Variants in NUP93 observed in about 807,000 individuals in gnomAD.
NUP93 encodes the protein nuclear pore complex protein Nup93.
Under a neutral mutation model 107.8 loss-of-function variants are expected in NUP93, and 55 were observed. The ratio of observed to expected loss-of-function variants is 0.51; its 90% CI spans 0.41 to 0.64. The LOEUF (loss-of-function observed/expected upper bound fraction) is 0.64, where lower values mean the gene tolerates loss of function less well. Among genes scored for constraint, NUP93 ranks in the 30% least tolerant of loss-of-function variants. The probability of loss-of-function intolerance (pLI) is 0.00; values close to 1 mark genes in which losing one functional copy is unlikely to be tolerated. For missense variants in NUP93, 937 were observed against 1,044.7 expected, an observed-to-expected ratio of 0.90 and a Z score of 1.42; for synonymous variants, 390 against 397.5, an observed-to-expected ratio of 0.98 and a Z score of 0.22.
intron 1 of NUP93, among the ~76,000 whole-genome samples, chr16:56,739,715 C>CG (rs1961682343): frequency 7.6e-6 from 1 of 131,536 alleles, no homozygotes; most frequent in Non-Finnish European, 1.6e-5. Flanking sequence ...GCTGGCCGGG[C>CG]GGGGGGCCGA....
At chr16:56,735,454 C>G (rs1167597566) in intron 1 of NUP93, among the ~76,000 whole-genome samples, 2 of 152,130 alleles carry the variant, frequency 1.3e-5, no homozygotes, top group African/African-American at 4.8e-5. Context: ...AAGGTTTATT[C>G]TGGGAGGTAG....
chr16:56,823,472 A>G (rs1453889247), intron 7 of NUP93, among the ~76,000 whole-genome samples: 2 of 152,152 alleles, frequency 1.3e-5, no homozygotes, highest in Admixed American at 1.3e-4. Context: ...ATAGTAATTG[A>G]TCTGAAAACC....
intron 3 of NUP93, among the ~76,000 whole-genome samples, chr16:56,793,825 C>T (rs1226717173): frequency 6.6e-6 from 1 of 152,048 alleles, no homozygotes; most frequent in African/African-American, 2.4e-5. Context: ...GAGGCTGAGG[C>T]GGGCAGATCA....
At chr16:56,780,698 C>T (rs1258616900) in intron 3 of NUP93, among the ~76,000 whole-genome samples, 1 of 152,000 alleles carries the variant, frequency 6.6e-6, no homozygotes, top group East Asian at 1.9e-4. Context: ...TGCTAAATAG[C>T]CAAGTTAATA....
chr16:56,839,095 G>C, intron 19 of NUP93, 26 bp downstream of exon 19: 1 of 1,534,404 alleles, frequency 6.5e-7, no homozygotes. Context: ...GGTGTTTGAA[G>C]TGCAGGTTAA....
At chr16:56,789,405 G>T (rs1451909922) in intron 3 of NUP93, among the ~76,000 whole-genome samples, 2 of 152,224 alleles carry the variant, frequency 1.3e-5, no homozygotes, top group Admixed American at 6.5e-5. Flanking sequence ...TCACATAATT[G>T]TGTGAACCTT....
intron 3 of NUP93, among the ~76,000 whole-genome samples, chr16:56,777,968 T>C (rs1485102292): frequency 6.6e-6 from 1 of 152,208 alleles, no homozygotes; most frequent in Non-Finnish European, 1.5e-5. Flanking sequence ...TCAGTGCCCG[T>C]TAAGGACAGC....
chr16:56,740,280 C>A (rs1429615172), intron 1 of NUP93, among the ~76,000 whole-genome samples: 3 of 146,098 alleles, frequency 2.1e-5, no homozygotes, highest in Non-Finnish European at 4.5e-5. Context: ...GGGGTGGTTG[C>A]CGGGCAGAGG....
rs1374778377 is a variant in NUP93 at position 56,832,352 on chromosome 16, C to G, written c.1309C>G (p.Leu437Val). ...CAGCTCCCCACAAGACAGGCTCACT[C>G]TCTCACAGTTCCAGAAGCAGTTGTT... ...GTSSPQDRLT[L>V]SQFQKQLLED... is the part of the protein sequence containing the mutation. The change falls in exon 12 of 22, where the codon CTC becomes GTC. Residue 437 changes from leucine to valine, a missense_variant. Leu to Val is a conservative substitution (Grantham distance 32). Coordinates refer to ENST00000308159, the MANE Select transcript of NUP93 (RefSeq NM_014669.5). 4.3e-6 allele frequency: 7 copies of G among 1,613,990 alleles called. No homozygotes were observed. The highest frequency in any genetic ancestry group is 1.1e-5 in the South Asian group (1 of 91,070).
chr16:56,835,573 G>A (rs1276793063), intron 16 of NUP93, among the ~76,000 whole-genome samples: 1 of 152,184 alleles, frequency 6.6e-6, no homozygotes, highest in African/African-American at 2.4e-5. Context: ...GGCTCCTACT[G>A]TATGTGAGTT....
chr16:56,752,369 T>C (rs890273083), intron 2 of NUP93, among the ~76,000 whole-genome samples: 2 of 152,162 alleles, frequency 1.3e-5, no homozygotes, highest in Admixed American at 6.6e-5. Context: ...AGTGGAATAA[T>C]GTAGTATGTC....
intron 17 of NUP93, among the ~76,000 whole-genome samples, chr16:56,836,932 G>C (rs1371019900): frequency 6.6e-6 from 1 of 152,216 alleles, no homozygotes; most frequent in Non-Finnish European, 1.5e-5. Context: ...ACAACATATT[G>C]AAAGGATGTC....
intron 4 of NUP93, among the ~76,000 whole-genome samples, chr16:56,804,426 G>GT (rs1963088652): frequency 6.6e-6 from 1 of 152,162 alleles, no homozygotes; most frequent in African/African-American, 2.4e-5. Context: ...AGGACATTAT[G>GT]CTGATTGTCT....
intron 1 of NUP93, chr16:56,747,928 G>T: frequency 5.4e-6 from 1 of 185,012 alleles, no homozygotes; most frequent in Non-Finnish European, 1.1e-5. Context: ...CCTGCTTTGA[G>T]TCTGTGGAAG....
intron 3 of NUP93, among the ~76,000 whole-genome samples, chr16:56,789,416 T>G (rs1962703274): frequency 1.3e-5 from 2 of 152,252 alleles, no homozygotes; most frequent in Non-Finnish European, 2.9e-5. Flanking sequence ...TGTGAACCTT[T>G]TTTTAGCCCA....
intron 5 of NUP93, among the ~76,000 whole-genome samples, chr16:56,808,148 A>ATATATTTTATATAGT (rs1963192183): frequency 3.2e-5 from 3 of 94,124 alleles, no homozygotes; most frequent in East Asian, 6.4e-4. Context: ...TTATATAACT[A>ATATATTTTATATAGT]TATATAATAT....
chr16:56,808,629 A>C (rs1963232218), intron 5 of NUP93, among the ~76,000 whole-genome samples: 1 of 133,144 alleles, frequency 7.5e-6, no homozygotes. Flanking sequence ...TAAATATATA[A>C]ATACATTTAT....
intron 8 of NUP93, among the ~76,000 whole-genome samples, chr16:56,826,478 T>A (rs1963660735): frequency 6.8e-6 from 1 of 146,296 alleles, no homozygotes; most frequent in Non-Finnish European, 1.5e-5. Context: ...ATCGTGCCAC[T>A]GCACTCCAGT....
chr16:56,823,728 A>G lies in NUP93; in HGVS notation c.676A>G (p.Met226Val), dbSNP rs764273449. ...GCAGAGCATTTCCGACATGTGGACC[A>G]TGGTAAAACAAATGACAGACGTGTT... ...DDKSISDMWT[M>V]VKQMTDVLLT... is the part of the protein sequence containing the mutation. The change falls in exon 8 of 22, where the codon ATG becomes GTG. Residue 226 changes from methionine to valine, a missense_variant. By Grantham distance (21) the Met-to-Val change is conservative. Transcript: ENST00000308159. 3 of 1,614,182 alleles carry G rather than the reference A, an allele frequency of 1.9e-6. No homozygotes were observed. The highest frequency in any genetic ancestry group is 2.2e-5 in the East Asian group (1 of 44,890).
Sources: gnomAD v4.1 joint callset for allele counts (sites outside exome capture counted in the v4.1 genomes callset) on GRCh38, gnomAD v4.1.1 for gene constraint, MANE v1.5 for transcripts, NCBI Gene and HGNC (gene_info 2026-07-23, HGNC 2026-07-21) for gene names.